The following MAOB variants were observed in gnomAD, a reference collection of about 807,000 sequenced individuals.
MAOB encodes amine oxidase [flavin-containing] B.
MAOB carries 15 observed loss-of-function variants against 41.9 expected under a neutral mutation model. That is an observed-to-expected ratio of 0.36 (90% CI 0.24 to 0.55). MAOB has a LOEUF of 0.55. Ranked by LOEUF, MAOB falls within the 20% of genes least tolerant of loss-of-function variation. The pLI, the probability that MAOB is intolerant of heterozygous loss-of-function variation, is 0.86. For synonymous variants in MAOB, 167 were observed against 144.2 expected (o/e 1.16, Z -1.13); for missense variants, 345 against 398.7 (o/e 0.87, Z 1.15).
chrX:43,853,441 A>G (rs1181411504), intron 1 of MAOB, among the ~76,000 whole-genome samples: 2 of 110,596 alleles, frequency 1.8e-5, no homozygotes, highest in African/African-American at 3.3e-5. Flanking sequence ...AGGAAGGGAA[A>G]GTGTGCTGCC....
At chrX:43,858,366 A>G (rs898208179) in intron 1 of MAOB, among the ~76,000 whole-genome samples, 3 of 110,553 alleles carry the variant, frequency 2.7e-5, no homozygotes, top group African/African-American at 9.9e-5. Flanking sequence ...ACCCTGCAAT[A>G]CCTAGCAAGA....
intron 3 of MAOB, among the ~76,000 whole-genome samples, chrX:43,828,294 G>A (rs1463930209): frequency 9.8e-5 from 11 of 112,159 alleles, no homozygotes; most frequent in African/African-American, 3.6e-4. Context: ...CAAGAAACAT[G>A]TATGGCTCTC....
rs777330150 is a variant in MAOB at position 43,853,611 on chromosome X, G to A, written c.47-9847C>T. Reference sequence around the variant, plus strand: ...AGATAGTCTTTACAGAGGTAATCAAGTTAAAATGAGGTCAGTATTGTGGGC... The same window carrying A: ...AGATAGTCTTTACAGAGGTAATCAAATTAAAATGAGGTCAGTATTGTGGGC... On this transcript the variant is annotated intron_variant, in intron 1 of 14. Transcript: ENST00000378069. 3.6e-5 allele frequency among the ~76,000 whole-genome samples: 4 copies of A among 112,096 alleles called. No homozygotes were observed. In the South Asian group the frequency reaches 1.5e-3, roughly 42 times the overall value.
chrX:43,858,028 G>A (rs1424294619), intron 1 of MAOB, among the ~76,000 whole-genome samples: 1 of 111,645 alleles, frequency 9.0e-6, no homozygotes, highest in African/African-American at 3.3e-5. Context: ...TAGGAATGTG[G>A]CTTCAGCAAA....
chrX:43,860,084 A>G (rs1287354810), intron 1 of MAOB, among the ~76,000 whole-genome samples: 1 of 111,673 alleles, frequency 9.0e-6, no homozygotes, highest in Non-Finnish European at 1.9e-5. Flanking sequence ...CTTGTTTCTG[A>G]ACCACAGGCT....
At chrX:43,812,407 T>G (rs2034759849) in intron 3 of MAOB, among the ~76,000 whole-genome samples, 1 of 112,121 alleles carries the variant, frequency 8.9e-6, no homozygotes, top group African/African-American at 3.2e-5. Flanking sequence ...TTTAGTTTTT[T>G]GAGGAACTTC....
chrX:43,865,733 AC>A (rs1235199660), intron 1 of MAOB, among the ~76,000 whole-genome samples: 2 of 109,722 alleles, frequency 1.8e-5, no homozygotes, highest in African/African-American at 6.6e-5. Context: ...ATTCACTTCT[AC>A]GAACAACCAT....
intron 1 of MAOB, among the ~76,000 whole-genome samples, chrX:43,845,634 A>T (rs1279709200): frequency 3.6e-5 from 4 of 112,279 alleles, no homozygotes; most frequent in Non-Finnish European, 1.9e-5. Flanking sequence ...CCCCATGGCC[A>T]TCCTCTTCAT....
At chrX:43,786,665 A>C (rs2034403829) in intron 8 of MAOB, among the ~76,000 whole-genome samples, 1 of 112,124 alleles carries the variant, frequency 8.9e-6, no homozygotes, top group African/African-American at 3.2e-5. Context: ...AAATAGGACA[A>C]GATCTGATCA....
chrX:43,862,215 T>C (rs188241563), intron 1 of MAOB, among the ~76,000 whole-genome samples: 15 of 111,936 alleles, frequency 1.3e-4, no homozygotes, highest in Admixed American at 1.1e-3. Context: ...TATGTTCTTC[T>C]GTGCTTCTTT....
At chrX:43,789,858 C>T (rs1481802123) in intron 8 of MAOB, among the ~76,000 whole-genome samples, 1 of 111,766 alleles carries the variant, frequency 8.9e-6, no homozygotes, top group Non-Finnish European at 1.9e-5. Context: ...TGTATCAAAA[C>T]ATTATGAGGT....
At chrX:43,785,102 C>T (rs1399546682) in intron 8 of MAOB, among the ~76,000 whole-genome samples, 6 of 113,036 alleles carry the variant, frequency 5.3e-5, no homozygotes, top group African/African-American at 1.9e-4. Context: ...GAGCCGAGAT[C>T]GCGCCACTGC....
At position 43,768,667 on chromosome X, in the gene MAOB, T is replaced by C. The variant is rs748181140; in HGVS notation, c.1397A>G (p.Glu466Gly). Reference protein sequence around the residue: ...KIPEDEIWQSEPESVDVPAQP... With the variant: ...KIPEDEIWQSGPESVDVPAQP... ...AACATAGCCTACCACAGACTCTGGT[T>C]CTGACTGCCAGATTTCATCCTCTGG... The change falls in exon 14 of 15, where the codon GAA becomes GGA. Residue 466 changes from glutamate to glycine, a missense_variant. Coordinates refer to ENST00000378069, the MANE Select transcript of MAOB (RefSeq NM_000898.5). 2 of 1,208,760 alleles carry C rather than the reference T, an allele frequency of 1.7e-6. No homozygotes were observed. The highest frequency in any genetic ancestry group is 2.2e-6 in the Non-Finnish European group (2 of 892,707).
Position 43,840,422 on chromosome X carries a change from T to A in MAOB, c.142-1417A>T, listed in dbSNP as rs184417392. On this transcript the variant is annotated intron_variant, in intron 2 of 14. Transcript: ENST00000378069. Reference sequence around the variant, plus strand: ...ACTGTGCCTGATTCATAGTAGGTACTCAGTAGATATTTGCTGAGGACAAAT... The same window carrying A: ...ACTGTGCCTGATTCATAGTAGGTACACAGTAGATATTTGCTGAGGACAAAT... 1.7e-4 allele frequency among the ~76,000 whole-genome samples: 19 copies of A among 111,872 alleles called. 3 individuals are homozygous for A. The highest frequency in any genetic ancestry group is 1.6e-3 in the Admixed American group (17 of 10,569).
rs2034315562 is a variant in MAOB, at chrX:43,780,405, A to G, written c.1026-10T>C. On this transcript the variant is annotated splice_polypyrimidine_tract_variant and intron_variant, in intron 9 of 14. Coordinates refer to ENST00000378069, the MANE Select transcript of MAOB (RefSeq NM_000898.5). ...GTGGGCCAGGATAAATCTAAAGAAT[A>G]TAAACAAGAAAAAGGGGAGAAATTA... 8.5e-7 allele frequency: 1 copy of G among 1,176,552 alleles called. No homozygotes were observed. Among genetic ancestry groups the G allele is most frequent in the Non-Finnish European group, 1.2e-6 (1 of 865,436 alleles).
At position 43,767,466 on chromosome X, in the gene MAOB, T is replaced by C. The variant is rs758426483; in HGVS notation, c.1563A>G (p.Ter521=). 1 of 1,208,402 alleles carries C rather than the reference T, an allele frequency of 8.3e-7. No individual in the cohort carries two copies. The highest frequency in any genetic ancestry group is 1.1e-6 in the Non-Finnish European group (1 of 893,732). ...GTGTGATTACAGACACCCTCTCTCT[T>C]TAGACTCTCACAAGTAGCCCCCTTT... The part of the protein sequence containing the change: ...AHKRGLLVRV[*] Residue 521 remains the stop codon, a stop_retained_variant, in exon 15 of 15, where the codon TAA becomes TAG. Coordinates refer to ENST00000378069, the MANE Select transcript of MAOB (RefSeq NM_000898.5).
chrX:43,821,980 C>T (rs1026307375), intron 3 of MAOB, among the ~76,000 whole-genome samples: 17 of 112,015 alleles, frequency 1.5e-4, no homozygotes, highest in African/African-American at 5.2e-4. Context: ...GTTATTGAAG[C>T]CCCAGGAGTG....
chrX:43,824,840 A>T (rs1361401664), intron 3 of MAOB, among the ~76,000 whole-genome samples: 1 of 113,434 alleles, frequency 8.8e-6, no homozygotes, highest in African/African-American at 3.2e-5. Context: ...GCATGCACAC[A>T]TGTGCACACA....
intron 8 of MAOB, among the ~76,000 whole-genome samples, chrX:43,787,105 TG>T (rs1460651636): frequency 3.2e-5 from 1 of 30,812 alleles, no homozygotes; most frequent in East Asian, 9.8e-4. Context: ...AGAAAAACTA[TG>T]GGGGGGTGGG....
Sources: gnomAD v4.1 joint callset for allele counts (sites outside exome capture counted in the v4.1 genomes callset) on GRCh38, gnomAD v4.1.1 for gene constraint, MANE v1.5 for transcripts, NCBI Gene and HGNC (gene_info 2026-07-23, HGNC 2026-07-21) for gene names.